CTSC: variants seen among roughly 807,000 people sequenced by gnomAD.
CTSC encodes dipeptidyl peptidase 1.
In CTSC, 37 loss-of-function variants were observed where a neutral mutation model predicts 40.9. That is an observed-to-expected ratio of 0.91 (90% CI 0.70 to 1.19). CTSC has a LOEUF of 1.19. Among genes scored for constraint, CTSC ranks in the 50% most tolerant of loss-of-function variants. The pLI, the probability that CTSC is intolerant of heterozygous loss-of-function variation, is 0.00. For missense variants in CTSC, 594 were observed against 567.3 expected (o/e 1.05, Z -0.48); for synonymous variants, 232 against 207.4 (o/e 1.12, Z -1.02).
In CTSC at chr11:88,337,596, G is replaced by A; in HGVS notation, c.77C>T (p.Thr26Ile). The A allele has an allele frequency of 6.3e-7, 1 of 1,579,246 alleles. No individual in the cohort carries two copies. Among genetic ancestry groups the A allele is most frequent in the Non-Finnish European group, 8.6e-7 (1 of 1,161,910 alleles). Reference protein sequence around the residue: ...LSGDGAVRCDTPANCTYLDLL... With the variant: ...LSGDGAVRCDIPANCTYLDLL... ...GTCAAGATAGGTGCAGTTGGCAGGTGTGTCGCAGCGCACGGCGCCGTCGCC... is the reference window on the plus strand; with the variant it reads ...GTCAAGATAGGTGCAGTTGGCAGGTATGTCGCAGCGCACGGCGCCGTCGCC... The change falls in exon 1 of 7, where the codon ACA (threonine) becomes ATA (isoleucine). Residue 26 changes from threonine (T) to isoleucine (I), a missense_variant. By Grantham distance (89) the Thr-to-Ile change is moderately conservative. Coordinates refer to ENST00000227266, the MANE Select transcript of CTSC (RefSeq NM_001814.6).
At chr11:88,325,770 G>C (rs1443555345) in intron 2 of CTSC, 1 of 985,262 alleles carries the variant, frequency 1.0e-6, no homozygotes, top group East Asian at 1.1e-4. Flanking sequence ...ATAATCTGTA[G>C]AAGTATACTA....
At chr11:88,320,367 G>T (rs1248365224) in intron 2 of CTSC, among the ~76,000 whole-genome samples, 3 of 152,120 alleles carry the variant, frequency 2.0e-5, no homozygotes, top group Non-Finnish European at 4.4e-5. Flanking sequence ...CAAAGTCCCT[G>T]GGCTCATTCC....
chr11:88,316,475 C>CTAAATAGATAAATAAA (rs1937880485), intron 2 of CTSC, among the ~76,000 whole-genome samples: 1 of 145,022 alleles, frequency 6.9e-6, no homozygotes, highest in South Asian at 2.2e-4. Flanking sequence ...GATCCATTCT[C>CTAAATAGATAAATAAA]TAAATAAATA....
chr11:88,320,578 G>A (rs560668493), intron 2 of CTSC, among the ~76,000 whole-genome samples: 1 of 152,228 alleles, frequency 6.6e-6, no homozygotes, highest in South Asian at 2.1e-4. Flanking sequence ...AGCTAATTTT[G>A]TTTTTAGTAG....
At chr11:88,330,522 T>C (rs1938320910) in intron 2 of CTSC, among the ~76,000 whole-genome samples, 2 of 152,074 alleles carry the variant, frequency 1.3e-5, no homozygotes. Flanking sequence ...CTAATTTTTG[T>C]ATTTTTAGTA....
At chr11:88,296,394 TAAG>T in intron 5 of CTSC, 130 bp from the exon 6 acceptor site, 2 of 1,135,938 alleles carry the variant, frequency 1.8e-6, no homozygotes, top group South Asian at 1.3e-5. Flanking sequence ...ATCAGCACAA[TAAG>T]AAGACTCAAC....
At position 88,334,917 on chromosome 11, in the gene CTSC, C is replaced by A. The variant is rs758784937; in HGVS notation, c.318+20G>T. ...TATCAAATCATTGAAAATGTAAATC[C>A]AACTTCCAACAAAACTAACCTTAAA... On this transcript the variant is annotated intron_variant, in intron 2 of 6. Coordinates refer to ENST00000227266, the MANE Select transcript of CTSC (RefSeq NM_001814.6). 1.3e-6 allele frequency: 2 copies of A among 1,579,930 alleles called. No individual in the cohort carries two copies. Among genetic ancestry groups the A allele is most frequent in the African/African-American group, 1.3e-5 (1 of 74,120 alleles).
chr11:88,302,395 G>A (rs1007423273), intron 4 of CTSC, among the ~76,000 whole-genome samples: 4 of 152,150 alleles, frequency 2.6e-5, no homozygotes, highest in East Asian at 1.9e-4. Flanking sequence ...AGGCCGAGGC[G>A]GGCGGATCAC....
At chr11:88,323,006 A>C (rs546984482) in intron 2 of CTSC, 1 of 152,348 alleles carries the variant, frequency 6.6e-6, no homozygotes, top group Admixed American at 6.5e-5. Flanking sequence ...ATGAACTTCG[A>C]CGCAAAAAAT....
In CTSC at chr11:88,300,511, C is replaced by G. The variant is rs775690519; in HGVS notation, c.757+19G>C. On this transcript the variant is annotated intron_variant, in intron 5 of 6. Transcript: ENST00000227266. Reference sequence around the variant, plus strand: ...TAGTTCCAAACAAATTAACAAAAAACTTAGGCTTATTTTTTTACCTTGGTT... The same window carrying G: ...TAGTTCCAAACAAATTAACAAAAAAGTTAGGCTTATTTTTTTACCTTGGTT... The G allele has an allele frequency of 3.4e-6, 5 of 1,457,698 alleles. No homozygotes were observed. Among genetic ancestry groups the G allele is most frequent in the Non-Finnish European group, 4.8e-6 (5 of 1,037,420 alleles). The allele number at this position is 1,457,698 out of a possible 1,614,324, so 90.3% of individuals were successfully genotyped here. A position where few individuals can be genotyped will look rare whatever the true frequency, so the allele number is the denominator to read the frequency against.
chr11:88,337,719 G>T lies in CTSC; in HGVS notation c.-47C>A. ...AGGTGAAGAATTACCAGGAAGCCGA[G>T]CGCTGCGGGCTAGCGGTGAGTCCAC... On this transcript the variant is annotated 5_prime_UTR_variant, in exon 1 of 7. Transcript: ENST00000227266. The T allele has an allele frequency of 6.5e-7, 1 of 1,548,284 alleles. No individual in the cohort carries two copies. Among genetic ancestry groups the T allele is most frequent in the Non-Finnish European group, 8.7e-7 (1 of 1,145,544 alleles).
At chr11:88,295,325 T>G (rs563652141) in intron 6 of CTSC, among the ~76,000 whole-genome samples, 1 of 152,102 alleles carries the variant, frequency 6.6e-6, no homozygotes, top group Non-Finnish European at 1.5e-5. Context: ...CCTCAATCAA[T>G]TATAGCTGTG....
chr11:88,296,110 G>T, intron 6 of CTSC, 23 bp downstream of exon 6: 1 of 1,612,564 alleles, frequency 6.2e-7, no homozygotes, highest in South Asian at 1.1e-5. Context: ...GCTCATAAAT[G>T]GTGTCTGAAA....
At chr11:88,325,266 A>G (rs1045881481) in intron 2 of CTSC, 2 of 985,386 alleles carry the variant, frequency 2.0e-6, no homozygotes, top group Non-Finnish European at 2.4e-6. Context: ...CCAAACTACA[A>G]ACTGAAGGAG....
intron 2 of CTSC, chr11:88,324,480 G>C: frequency 1.0e-6 from 1 of 981,850 alleles, no homozygotes; most frequent in Non-Finnish European, 1.2e-6. Flanking sequence ...CACCATTCCT[G>C]ATTTGTCTTT....
intron 2 of CTSC, among the ~76,000 whole-genome samples, chr11:88,314,449 C>T (rs1416592823): frequency 6.6e-6 from 1 of 152,196 alleles, no homozygotes; most frequent in Non-Finnish European, 1.5e-5. Context: ...GGAATCACCA[C>T]TCACTGTGTT....
In CTSC at chr11:88,337,736, T is replaced by C. The variant is rs768861351; in HGVS notation, c.-64A>G. ...GAAGCCGAGCGCTGCGGGCTAGCGG[T>C]GAGTCCACCACGAGGCGCGCGCCTT... On this transcript the variant is annotated 5_prime_UTR_variant, in exon 1 of 7. Coordinates refer to ENST00000227266, the MANE Select transcript of CTSC (RefSeq NM_001814.6). The C allele has an allele frequency of 2.0e-6, 3 of 1,534,852 alleles. No individual in the cohort carries two copies. The South Asian group carries it at 3.6e-5, about 18-fold the overall frequency.
intron 4 of CTSC, among the ~76,000 whole-genome samples, chr11:88,303,764 T>A (rs1937606217): frequency 6.6e-6 from 1 of 152,228 alleles, no homozygotes. Context: ...CCTGTCCAGA[T>A]TCTTCTGAGC....
At chr11:88,315,159 C>T (rs1403237144) in intron 2 of CTSC, among the ~76,000 whole-genome samples, 2 of 152,112 alleles carry the variant, frequency 1.3e-5, no homozygotes, top group Non-Finnish European at 2.9e-5. Context: ...ATCCTATTCT[C>T]TTCTCCTTGG....
Sources: gnomAD v4.1 joint callset for allele counts (sites outside exome capture counted in the v4.1 genomes callset) on GRCh38, gnomAD v4.1.1 for gene constraint, MANE v1.5 for transcripts, NCBI Gene and HGNC (gene_info 2026-07-23, HGNC 2026-07-21) for gene names.